HSPA12A: variants seen among roughly 807,000 people sequenced by gnomAD.
HSPA12A encodes heat shock protein family A (Hsp70) member 12A.
In HSPA12A, 28 loss-of-function variants were observed where a neutral mutation model predicts 69.2. The ratio of observed to expected loss-of-function variants is 0.40; its 90% CI spans 0.30 to 0.55. The LOEUF is 0.55. Ranked by LOEUF, HSPA12A falls within the 20% of genes least tolerant of loss-of-function variation. HSPA12A has a pLI of 0.38. For synonymous variants in HSPA12A, 345 were observed against 370.5 expected, an observed-to-expected ratio of 0.93 and a Z score of 0.79; for missense variants, 686 against 900.7, an observed-to-expected ratio of 0.76 and a Z score of 3.05.
chr10:116,769,734 T>C (rs937858255), intron 2 of HSPA12A, among the ~76,000 whole-genome samples: 1 of 152,122 alleles, frequency 6.6e-6, no homozygotes, highest in Non-Finnish European at 1.5e-5. Context: ...AGTTATCAAC[T>C]CTCCTGGAGA....
rs184143773 is a variant in HSPA12A at position 116,729,635 on chromosome 10, A to G, written c.40+12795T>C. On this transcript the variant is annotated intron_variant, in intron 1 of 11. Coordinates refer to ENST00000369209, the MANE Select transcript of HSPA12A (RefSeq NM_025015.3). Reference sequence around the variant, plus strand: ...ATACCTAAATTCTTGATTTTTTTCAATATTTCTAGGCTATGCAGTAAATTG... The same window carrying G: ...ATACCTAAATTCTTGATTTTTTTCAGTATTTCTAGGCTATGCAGTAAATTG... Among the ~76,000 whole-genome samples, 528 of 152,312 alleles carry G rather than the reference A, an allele frequency of 3.5e-3. 2 individuals are homozygous for G. The highest frequency in any genetic ancestry group is 0.012 in the African/African-American group (501 of 41,554).
At chr10:116,807,335 G>A (rs1474189606) in intron 2 of HSPA12A, among the ~76,000 whole-genome samples, 1 of 151,818 alleles carries the variant, frequency 6.6e-6, no homozygotes, top group Non-Finnish European at 1.5e-5. Context: ...CCTCTCCAAG[G>A]GACTCTCTGT....
intron 7 of HSPA12A, among the ~76,000 whole-genome samples, chr10:116,682,505 C>T (rs1302041528): frequency 1.3e-5 from 2 of 151,846 alleles, no homozygotes; most frequent in African/African-American, 4.8e-5. Context: ...TGCATTGCGG[C>T]CACAAGGTGG....
intron 2 of HSPA12A, among the ~76,000 whole-genome samples, chr10:116,799,705 G>A (rs891380345): frequency 6.6e-6 from 1 of 152,232 alleles, no homozygotes; most frequent in Non-Finnish European, 1.5e-5. Flanking sequence ...CACCTGCAGT[G>A]ACAGCCACTT....
intron 2 of HSPA12A, among the ~76,000 whole-genome samples, chr10:116,825,340 T>G (rs1845483600): frequency 6.6e-6 from 1 of 151,868 alleles, no homozygotes; most frequent in African/African-American, 2.4e-5. Flanking sequence ...TGAAACCCCA[T>G]CTCTACTAAA....
At chr10:116,820,345 C>T (rs559284707) in intron 2 of HSPA12A, among the ~76,000 whole-genome samples, 7 of 152,138 alleles carry the variant, frequency 4.6e-5, no homozygotes, top group East Asian at 1.9e-4. Context: ...GGAGGACAGG[C>T]GTGGAGTTTG....
chr10:116,797,106 G>T (rs1844844414), intron 2 of HSPA12A, among the ~76,000 whole-genome samples: 1 of 152,202 alleles, frequency 6.6e-6, no homozygotes, highest in Non-Finnish European at 1.5e-5. Context: ...CGCACTTGCT[G>T]CAGCCACCAG....
intron 2 of HSPA12A, among the ~76,000 whole-genome samples, chr10:116,797,339 G>T (rs569016247): frequency 6.6e-6 from 1 of 152,260 alleles, no homozygotes; most frequent in South Asian, 2.1e-4. Flanking sequence ...ACCCCAGGGG[G>T]CTTACAGTCT....
chr10:116,738,407 C>T (rs1851379323), intron 1 of HSPA12A, among the ~76,000 whole-genome samples: 1 of 152,106 alleles, frequency 6.6e-6, no homozygotes, highest in Non-Finnish European at 1.5e-5. Context: ...AGACATAGTC[C>T]ACGCCTTTCT....
At chr10:116,804,221 T>G (rs1845020827) in intron 2 of HSPA12A, among the ~76,000 whole-genome samples, 1 of 152,148 alleles carries the variant, frequency 6.6e-6, no homozygotes, top group African/African-American at 2.4e-5. Flanking sequence ...ACGGGACGAA[T>G]CTGCTCGCTT....
chr10:116,719,571 T>C (rs782207132), intron 1 of HSPA12A, among the ~76,000 whole-genome samples: 2 of 152,252 alleles, frequency 1.3e-5, no homozygotes, highest in Admixed American at 6.5e-5. Flanking sequence ...TTCCTAGTTA[T>C]GCAATCTTGA....
chr10:116,816,165 G>A (rs560030952), intron 2 of HSPA12A, among the ~76,000 whole-genome samples: 3 of 152,342 alleles, frequency 2.0e-5, no homozygotes, highest in East Asian at 1.9e-4. Context: ...CAGCCCTCAC[G>A]CAAAGACCAC....
chr10:116,720,483 C>T (rs1252333258), intron 1 of HSPA12A, among the ~76,000 whole-genome samples: 3 of 152,240 alleles, frequency 2.0e-5, no homozygotes, highest in Non-Finnish European at 4.4e-5. Flanking sequence ...TTCACTCTTC[C>T]CCTAGATGCT....
intron 2 of HSPA12A, among the ~76,000 whole-genome samples, chr10:116,799,349 C>G (rs1004231662): frequency 6.6e-6 from 1 of 152,196 alleles, no homozygotes; most frequent in Non-Finnish European, 1.5e-5. Context: ...TTCTACTCAA[C>G]AGCTTATTTT....
intron 2 of HSPA12A, among the ~76,000 whole-genome samples, chr10:116,820,782 A>C (rs1396926473): frequency 6.6e-6 from 1 of 151,982 alleles, no homozygotes; most frequent in Non-Finnish European, 1.5e-5. Flanking sequence ...GTCGGAGCTC[A>C]CCATATCTCC....
intron 2 of HSPA12A, among the ~76,000 whole-genome samples, chr10:116,794,353 T>C (rs1844770533): frequency 6.6e-6 from 1 of 151,694 alleles, no homozygotes; most frequent in Admixed American, 6.6e-5. Context: ...CATAGAAAGG[T>C]TGGAAGTAAG....
In HSPA12A at chr10:116,680,392, G is replaced by A. The variant is rs148286548; in HGVS notation, c.1028-631C>T. 2.0e-3 allele frequency among the ~76,000 whole-genome samples: 299 copies of A among 152,318 alleles called. 2 individuals are homozygous for A. The highest frequency in any genetic ancestry group is 3.0e-3 in the Non-Finnish European group (204 of 68,032). On this transcript the variant is annotated intron_variant, in intron 9 of 11. Coordinates refer to ENST00000369209, the MANE Select transcript of HSPA12A (RefSeq NM_025015.3). Reference sequence around the variant, plus strand: ...TCCAAGACATCCAAGGGCGGGGGCTGGAAAATCAGCAGGCCTGGTCTAGTC... The same window carrying A: ...TCCAAGACATCCAAGGGCGGGGGCTAGAAAATCAGCAGGCCTGGTCTAGTC...
In HSPA12A at chr10:116,705,287, A is replaced by C. The variant is rs573020812; in HGVS notation, c.127-9T>G. 6.2e-7 allele frequency: 1 copy of C among 1,614,046 alleles called. No individual in the cohort carries two copies. Among genetic ancestry groups the C allele is most frequent in the East Asian group, 2.2e-5 (1 of 44,866 alleles). On this transcript the variant is annotated splice_polypyrimidine_tract_variant and intron_variant, in intron 2 of 11. Transcript: ENST00000369209. ...TTGGAGTCAGTGTCGTTCTGCAGAT[A>C]TACAGTGAGGCATGGGGGGTGTGGA...
At chr10:116,797,326 T>C (rs181134466) in intron 2 of HSPA12A, among the ~76,000 whole-genome samples, 2 of 152,284 alleles carry the variant, frequency 1.3e-5, no homozygotes, top group Admixed American at 1.3e-4. Context: ...GTCATCGTCC[T>C]TGACCCCAGG....
Sources: allele counts gnomAD v4.1 joint callset (sites outside exome capture counted in the v4.1 genomes callset), GRCh38; gene constraint gnomAD v4.1.1; transcripts MANE v1.5; gene names NCBI Gene and HGNC (gene_info 2026-07-23, HGNC 2026-07-21).